EZH1: variants seen among roughly 807,000 people sequenced by gnomAD.
The protein encoded by EZH1 is enhancer of zeste 1 polycomb repressive complex 2 subunit.
In EZH1, 33 loss-of-function variants were observed where a neutral mutation model predicts 100.5. That is an observed-to-expected ratio of 0.33 (90% confidence interval 0.25 to 0.44). The LOEUF is 0.44. Among genes scored for constraint, EZH1 ranks in the 20% least tolerant of loss-of-function variants. The pLI is 1.00. For synonymous variants in EZH1, 272 were observed against 313.8 expected, an observed-to-expected ratio of 0.87 and a Z score of 1.41; for missense variants, 475 against 928.4, an observed-to-expected ratio of 0.51 and a Z score of 6.35.
chr17:42,732,348 A>G (rs12951533), intron 1 of EZH1, among the ~76,000 whole-genome samples: 1 of 152,076 alleles, frequency 6.6e-6, no homozygotes, highest in African/African-American at 2.4e-5. Context: ...TTAAAGGAAA[A>G]GAGGCTGGGT....
intron 1 of EZH1, among the ~76,000 whole-genome samples, chr17:42,735,011 A>G (rs1178381448): frequency 6.6e-6 from 1 of 151,450 alleles, no homozygotes; most frequent in Non-Finnish European, 1.5e-5. Context: ...AAGAGGAAAG[A>G]AAAGAAAAGA....
intron 2 of EZH1, among the ~76,000 whole-genome samples, chr17:42,730,486 T>TC (rs2053918870): frequency 1.5e-5 from 2 of 136,566 alleles, no homozygotes; most frequent in Non-Finnish European, 3.1e-5. Flanking sequence ...AAGTATGTAT[T>TC]CTTTTTTTTT....
intron 3 of EZH1, 146 bp from the exon 4 acceptor site, chr17:42,727,909 C>T (rs759395143): frequency 9.8e-5 from 44 of 447,332 alleles, no homozygotes; most frequent in East Asian, 2.1e-4. Context: ...CTCCGCCTCC[C>T]GGGTTCAAGC....
intron 13 of EZH1, 34 bp downstream of exon 13, chr17:42,709,812 T>A: frequency 6.2e-7 from 1 of 1,604,790 alleles, no homozygotes; most frequent in Non-Finnish European, 8.5e-7. Context: ...ACAGCCTGGC[T>A]GTAAAACAAA....
At chr17:42,703,657 A>T in intron 19 of EZH1, 83 bp downstream of exon 19, 1 of 1,001,094 alleles carries the variant, frequency 1.0e-6, no homozygotes, top group Non-Finnish European at 1.6e-6. Flanking sequence ...TAGCTCAGCT[A>T]AGGAAAATGT....
intron 3 of EZH1, among the ~76,000 whole-genome samples, chr17:42,728,328 G>A (rs1448909418): frequency 6.7e-6 from 1 of 149,526 alleles, no homozygotes; most frequent in African/African-American, 2.5e-5. Context: ...AGGACAGGCT[G>A]GTCTCGAACT....
In EZH1 at chr17:42,730,929, G is replaced by A; in HGVS notation, c.-102-11C>T. On this transcript the variant is annotated splice_polypyrimidine_tract_variant and intron_variant, in intron 1 of 20. Coordinates refer to ENST00000428826, the MANE Select transcript of EZH1 (RefSeq NM_001991.5). ...AGAACAGGTGTCCAGCTTTTCAAAAGAGAACAGACAGTGGTTCTATTAAGT... is the reference window on the plus strand; with the variant it reads ...AGAACAGGTGTCCAGCTTTTCAAAAAAGAACAGACAGTGGTTCTATTAAGT... 1.0e-6 allele frequency: 1 copy of A among 983,872 alleles called. No individual in the cohort carries two copies. Among genetic ancestry groups the A allele is most frequent in the Non-Finnish European group, 1.2e-6 (1 of 828,432 alleles). 60.9% of individuals were successfully genotyped at this position (983,872 alleles called of 1,614,324 possible).
Position 42,718,611 on chromosome 17 carries a change from T to G in EZH1, c.774A>C (p.Arg258=), listed in dbSNP as rs758419932. ...GVPDDMKERY[R]ELTEMSDPNA... The stretch of plus-strand genomic sequence containing the variant: ...TGGGGTCTGACATCTCTGTTAGTTC[T>G]CGATACCTATTTAAGAAAAGAGAGA... The change falls in exon 9 of 21, where the codon CGA becomes CGC. Residue 258 remains arginine, a synonymous_variant. Transcript: ENST00000428826. This position sits in a 1 kb window ranked among gnomAD's most constrained non-coding sequence, Gnocchi z 4.2. 1.2e-6 allele frequency: 2 copies of G among 1,613,976 alleles called. No individual in the cohort carries two copies. Among genetic ancestry groups the G allele is most frequent in the African/African-American group, 2.7e-5 (2 of 74,930 alleles).
intron 13 of EZH1, 123 bp from the exon 14 acceptor site, chr17:42,709,039 C>T (rs549910346): frequency 2.8e-6 from 3 of 1,079,862 alleles, no homozygotes; most frequent in East Asian, 2.5e-5. Flanking sequence ...TCTTCCCAAA[C>T]CCCTCAACAG....
At chr17:42,733,982 A>T (rs2054013106) in intron 1 of EZH1, among the ~76,000 whole-genome samples, 1 of 151,838 alleles carries the variant, frequency 6.6e-6, no homozygotes, top group African/African-American at 2.4e-5. Flanking sequence ...GGACAAGAAA[A>T]CAACAAAATT....
Position 42,718,705 on chromosome 17 carries a change from C to A in EZH1, c.768-88G>T, listed in dbSNP as rs868857551. The A allele has an allele frequency of 4.2e-6, 6 of 1,432,516 alleles. No individual in the cohort carries two copies. In the Admixed American group the frequency reaches 5.6e-5, roughly 13 times the overall value. 88.7% of individuals were successfully genotyped at this position (1,432,516 alleles called of 1,614,324 possible). A position where few individuals can be genotyped will look rare whatever the true frequency, so the allele number is the denominator to read the frequency against. ...TTGGGTACTGACAGTAGCTCACCTACGGTCTGCCAAGGGAGGATGGGTGTT... is the reference window on the plus strand; with the variant it reads ...TTGGGTACTGACAGTAGCTCACCTAAGGTCTGCCAAGGGAGGATGGGTGTT... On this transcript the variant is annotated intron_variant, in intron 8 of 20. Coordinates refer to ENST00000428826, the MANE Select transcript of EZH1 (RefSeq NM_001991.5). The surrounding 1 kb of genome is among the most constrained non-coding windows in gnomAD (Gnocchi z 4.2).
At chr17:42,732,467 T>C (rs572139631) in intron 1 of EZH1, among the ~76,000 whole-genome samples, 1 of 152,228 alleles carries the variant, frequency 6.6e-6, no homozygotes, top group African/African-American at 2.4e-5. Flanking sequence ...ACCTCATCTC[T>C]ATTAAAAATC....
chr17:42,702,851 C>G lies in EZH1; in HGVS notation c.2183+26G>C, dbSNP rs990842987. ...ACTCTTTCCAATTCCTGGGCCACAT[C>G]CCAAGGACCATTACTGGCACCTCAC... On this transcript the variant is annotated intron_variant, in intron 20 of 20. Transcript: ENST00000428826. 4 of 1,611,516 alleles carry G rather than the reference C, an allele frequency of 2.5e-6. No individual in the cohort carries two copies. The African/African-American group carries it at 5.3e-5, about 22-fold the overall frequency.
intron 1 of EZH1, among the ~76,000 whole-genome samples, chr17:42,738,225 G>C (rs2054104622): frequency 6.7e-6 from 1 of 149,186 alleles, no homozygotes; most frequent in African/African-American, 2.5e-5. Flanking sequence ...TAAACTTAGA[G>C]AGACTGAGAT....
chr17:42,737,616 AAAAC>A (rs1304187789), intron 1 of EZH1, among the ~76,000 whole-genome samples: 3 of 152,186 alleles, frequency 2.0e-5, no homozygotes, highest in Admixed American at 6.5e-5. Context: ...AAACAAACCA[AAAAC>A]AAACAAACTA....
Position 42,718,146 on chromosome 17 carries a change from C to A in EZH1, c.932-79G>T. The A allele has an allele frequency of 7.9e-7, 1 of 1,268,130 alleles. No individual in the cohort carries two copies. The highest frequency in any genetic ancestry group is 1.1e-6 in the Non-Finnish European group (1 of 880,298). The allele number at this position is 1,268,130 out of a possible 1,614,324, so 78.6% of individuals were successfully genotyped here. On this transcript the variant is annotated intron_variant, in intron 9 of 20. Coordinates refer to ENST00000428826, the MANE Select transcript of EZH1 (RefSeq NM_001991.5). This position sits in a 1 kb window ranked among gnomAD's most constrained non-coding sequence, Gnocchi z 4.2. ...GGAGAAACAAAAGTGAATTAGAGAG[C>A]TATTGTAGGAGTTAGAATTCGATAT...
intron 10 of EZH1, among the ~76,000 whole-genome samples, chr17:42,715,924 G>A (rs1443069628): frequency 3.3e-5 from 5 of 151,940 alleles, no homozygotes; most frequent in Non-Finnish European, 4.4e-5. Flanking sequence ...GCGCATGCCT[G>A]TAATCCCAGC....
At chr17:42,739,529 C>T (rs1008452096) in intron 1 of EZH1, among the ~76,000 whole-genome samples, 1 of 152,018 alleles carries the variant, frequency 6.6e-6, no homozygotes, top group Non-Finnish European at 1.5e-5. Flanking sequence ...GACAGGGGTT[C>T]GAGACCAGCC....
At chr17:42,715,283 TA>T (rs1334580440) in intron 10 of EZH1, among the ~76,000 whole-genome samples, 5 of 145,368 alleles carry the variant, frequency 3.4e-5, no homozygotes, top group South Asian at 4.4e-4. Context: ...TATATATATA[TA>T]TTTTTTTGAG....
Sources: allele counts gnomAD v4.1 joint callset (sites outside exome capture counted in the v4.1 genomes callset), GRCh38; gene constraint gnomAD v4.1.1; non-coding constraint Gnocchi (gnomAD v3.1); transcripts MANE v1.5; gene names NCBI Gene and HGNC (gene_info 2026-07-23, HGNC 2026-07-21).